Variants in ENTREP2 observed in about 807,000 individuals in gnomAD.
ENTREP2 encodes endosomal transmembrane epsin interactor 2.
chr15:29,123,395 C>T, the ENTREP2 span: 19 of 1,548,060 alleles, frequency 1.2e-5, no homozygotes, highest in East Asian at 7.4e-5. Flanking sequence ...AGGCGCTCCT[C>T]GTTGGTGACA....
chr15:29,243,737 G>A, the ENTREP2 span, among the ~76,000 whole-genome samples: 2 of 151,644 alleles, frequency 1.3e-5, no homozygotes, highest in African/African-American at 2.4e-5. Flanking sequence ...ACAATAAATT[G>A]GAAAAAACAG....
chr15:29,269,574 G>A, the ENTREP2 span: 2 of 1,535,736 alleles, frequency 1.3e-6, no homozygotes, highest in Non-Finnish European at 1.7e-6. Flanking sequence ...GGGCCTCCTC[G>A]GCAAAGCCGT....
the ENTREP2 span, among the ~76,000 whole-genome samples, chr15:29,423,299 T>G: frequency 6.6e-6 from 1 of 152,184 alleles, no homozygotes; most frequent in African/African-American, 2.4e-5. Context: ...CAGAGAGAGA[T>G]AAGTTAGGGT....
At chr15:29,222,330 C>T in the ENTREP2 span, among the ~76,000 whole-genome samples, 4 of 152,130 alleles carry the variant, frequency 2.6e-5, no homozygotes, top group Non-Finnish European at 4.4e-5. Flanking sequence ...AATAATCCTC[C>T]CCTTGTTTAG....
the ENTREP2 span, among the ~76,000 whole-genome samples, chr15:29,516,956 A>G: frequency 3.5e-5 from 5 of 144,518 alleles, no homozygotes; most frequent in Admixed American, 7.0e-5. Flanking sequence ...AGGAAATAAA[A>G]CAATTATGAG....
chr15:29,551,766 C>T, the ENTREP2 span, among the ~76,000 whole-genome samples: 1 of 151,240 alleles, frequency 6.6e-6, no homozygotes, highest in African/African-American at 2.4e-5. Context: ...CAAAATCCAA[C>T]AGCAAAGCAA....
At chr15:29,523,849 T>C in the ENTREP2 span, among the ~76,000 whole-genome samples, 2 of 152,122 alleles carry the variant, frequency 1.3e-5, no homozygotes, top group African/African-American at 2.4e-5. Context: ...AAGAATAAAA[T>C]TGAACCCTTG....
the ENTREP2 span, among the ~76,000 whole-genome samples, chr15:29,165,087 G>A: frequency 0.011 from 1,719 of 152,150 alleles, 38 homozygotes; most frequent in African/African-American, 0.039. Context: ...GGTCAAAAAC[G>A]AAATCAAGGT....
At chr15:29,182,391 C>T in the ENTREP2 span, among the ~76,000 whole-genome samples, 1 of 152,074 alleles carries the variant, frequency 6.6e-6, no homozygotes, top group Non-Finnish European at 1.5e-5. Flanking sequence ...TCCGAAAGTG[C>T]TGGGATTACA....
the ENTREP2 span, among the ~76,000 whole-genome samples, chr15:29,139,029 G>A: frequency 6.6e-6 from 1 of 152,142 alleles, no homozygotes; most frequent in Admixed American, 6.5e-5. Context: ...GAGCTGGGGA[G>A]CAGGGGGACT....
the ENTREP2 span, among the ~76,000 whole-genome samples, chr15:29,671,132 C>T: frequency 2.6e-5 from 4 of 152,202 alleles, no homozygotes; most frequent in African/African-American, 7.2e-5. Flanking sequence ...TCCTGAACAA[C>T]GAAGTCTGGA....
the ENTREP2 span, among the ~76,000 whole-genome samples, chr15:29,414,385 G>A: frequency 1.3e-5 from 2 of 152,244 alleles, no homozygotes; most frequent in South Asian, 2.1e-4. Context: ...TGAACAACCT[G>A]CTCCTGAATG....
At chr15:29,493,125 C>CTTTTTTTT in the ENTREP2 span, among the ~76,000 whole-genome samples, 2 of 84,774 alleles carry the variant, frequency 2.4e-5, 1 homozygote, top group East Asian at 7.3e-4. Context: ...CCTGACAACC[C>CTTTTTTTT]TTTTTTTTTT....
At chr15:29,245,939 T>C in the ENTREP2 span, among the ~76,000 whole-genome samples, 17 of 152,164 alleles carry the variant, frequency 1.1e-4, no homozygotes, top group Non-Finnish European at 2.4e-4. Flanking sequence ...AAATTTAAAG[T>C]GCACTCATGC....
At chr15:29,202,761 T>C in the ENTREP2 span, among the ~76,000 whole-genome samples, 4 of 152,186 alleles carry the variant, frequency 2.6e-5, no homozygotes, top group Non-Finnish European at 4.4e-5. Flanking sequence ...CTGTGTTAGT[T>C]TTCTGAGAAA....
the ENTREP2 span, among the ~76,000 whole-genome samples, chr15:29,469,037 A>G: frequency 6.6e-6 from 1 of 152,316 alleles, no homozygotes; most frequent in African/African-American, 2.4e-5. Context: ...TAAGGCTGGA[A>G]GAGCATCCGA....
chr15:29,380,232 T>C, the ENTREP2 span, among the ~76,000 whole-genome samples: 298 of 152,242 alleles, frequency 2.0e-3, 1 homozygote, highest in Middle Eastern at 0.02. Flanking sequence ...AAATTCCTTA[T>C]ATGAGCCGAG....
the ENTREP2 span, among the ~76,000 whole-genome samples, chr15:29,531,627 C>A: frequency 2.0e-5 from 3 of 152,160 alleles, no homozygotes; most frequent in Non-Finnish European, 4.4e-5. Context: ...TACAACTGCA[C>A]GTACTTCAAC....
At chr15:29,447,630 G>A in the ENTREP2 span, among the ~76,000 whole-genome samples, 7 of 150,624 alleles carry the variant, frequency 4.6e-5, no homozygotes, top group Admixed American at 2.0e-4. Flanking sequence ...GGGACTACAG[G>A]TGCATGCCAC....
Sources: allele counts gnomAD v4.1 joint callset (sites outside exome capture counted in the v4.1 genomes callset), GRCh38; gene constraint gnomAD v4.1.1; transcripts MANE v1.5; gene names NCBI Gene and HGNC (gene_info 2026-07-23, HGNC 2026-07-21).